Variants in SLC37A3 observed in about 807,000 individuals in gnomAD.
SLC37A3 encodes solute carrier family 37 member 3.
Under a neutral mutation model 67.1 loss-of-function variants are expected in SLC37A3, and 51 were observed. The ratio of observed to expected loss-of-function variants is 0.76; its 90% CI spans 0.61 to 0.96. The LOEUF is 0.96. SLC37A3 is among the 40% of genes least tolerant of loss of function. The pLI, the probability that SLC37A3 is intolerant of heterozygous loss-of-function variation, is 0.00. For missense variants in SLC37A3, 508 were observed against 603.0 expected, an observed-to-expected ratio of 0.84 and a Z score of 1.65; for synonymous variants, 214 against 231.4, an observed-to-expected ratio of 0.92 and a Z score of 0.68.
intron 2 of SLC37A3, among the ~76,000 whole-genome samples, chr7:140,380,939 C>T (rs1798228610): frequency 6.8e-6 from 1 of 147,030 alleles, no homozygotes; most frequent in African/African-American, 2.5e-5. Flanking sequence ...CTCTGTTGCC[C>T]AGGCTGGAGT....
intron 9 of SLC37A3, 136 bp downstream of exon 9, chr7:140,351,137 C>T: frequency 1.2e-6 from 1 of 825,812 alleles, no homozygotes; most frequent in African/African-American, 1.7e-5. Context: ...CACTAGACAA[C>T]ATTCCTCAGC....
intron 3 of SLC37A3, among the ~76,000 whole-genome samples, chr7:140,376,408 G>A (rs1798033374): frequency 6.6e-6 from 1 of 152,162 alleles, no homozygotes; most frequent in Non-Finnish European, 1.5e-5. Context: ...AAGTCAACAT[G>A]CTAAATGTGA....
At chr7:140,353,735 C>A (rs751740982) in intron 7 of SLC37A3, among the ~76,000 whole-genome samples, 1 of 150,802 alleles carries the variant, frequency 6.6e-6, no homozygotes, top group Non-Finnish European at 1.5e-5. Flanking sequence ...TTTTTTGATA[C>A]GGAGTCTCGC....
intron 10 of SLC37A3, among the ~76,000 whole-genome samples, chr7:140,346,799 T>C (rs958572861): frequency 6.6e-6 from 1 of 151,796 alleles, no homozygotes; most frequent in Non-Finnish European, 1.5e-5. Flanking sequence ...GAGGCTGAGG[T>C]AGGAGGATGG....
rs760820872 is a variant in SLC37A3, at chr7:140,380,399, TAGAG to T, written c.90-13_90-10del. 21 of 1,579,266 alleles carry T rather than the reference TAGAG, an allele frequency of 1.3e-5. No homozygotes were observed. The highest frequency in any genetic ancestry group is 1.7e-5 in the Admixed American group (1 of 59,722). On this transcript the variant is annotated splice_polypyrimidine_tract_variant and intron_variant, in intron 2 of 14. Coordinates refer to ENST00000326232, the MANE Select transcript of SLC37A3 (RefSeq NM_207113.3). Reference sequence around the variant, plus strand: ...CATGGAGCAACGAATAACTACAAAATAGAGAGAATACAGATGAATGAATAGCAAA... The same window carrying T: ...CATGGAGCAACGAATAACTACAAAATAGAATACAGATGAATGAATAGCAAA...
Position 140,362,910 on chromosome 7 carries a change from G to C in SLC37A3, c.375+1498C>G, listed in dbSNP as rs1186636584. Among the ~76,000 whole-genome samples the C allele has an allele frequency of 3.4e-5, 2 of 58,730 alleles. 1 individual carries two copies. The highest frequency in any genetic ancestry group is 7.3e-5 in the Non-Finnish European group (2 of 27,442). 38.5% of individuals were successfully genotyped at this position (58,730 alleles called of 152,430 possible). A position where few individuals can be genotyped will look rare whatever the true frequency, so the allele number is the denominator to read the frequency against. On this transcript the variant is annotated intron_variant, in intron 5 of 14. Transcript: ENST00000326232. ...CCGTCCGGGAGGGAGGCGGGGGGGGGGGTCGGCCAGCCGCCCTGTCCGGGA... is the reference window on the plus strand; with the variant it reads ...CCGTCCGGGAGGGAGGCGGGGGGGGCGGTCGGCCAGCCGCCCTGTCCGGGA...
chr7:140,389,076 A>C (rs1459015517), intron 1 of SLC37A3, among the ~76,000 whole-genome samples: 1 of 152,198 alleles, frequency 6.6e-6, no homozygotes, highest in African/African-American at 2.4e-5. Flanking sequence ...TCCTGGGCAT[A>C]GGCTGAACTA....
intron 1 of SLC37A3, among the ~76,000 whole-genome samples, chr7:140,393,755 T>C (rs886738169): frequency 6.6e-6 from 1 of 152,156 alleles, no homozygotes; most frequent in South Asian, 2.1e-4. Context: ...CTCCCAGTTA[T>C]CTGGTTTAAT....
chr7:140,361,136 G>A (rs1279205210), intron 5 of SLC37A3, among the ~76,000 whole-genome samples: 1 of 151,850 alleles, frequency 6.6e-6, no homozygotes, highest in Non-Finnish European at 1.5e-5. Context: ...GAGCTGAAAA[G>A]GGGACCATCC....
chr7:140,366,321 C>G (rs550980736), intron 4 of SLC37A3, among the ~76,000 whole-genome samples: 38 of 152,238 alleles, frequency 2.5e-4, no homozygotes, highest in African/African-American at 8.7e-4. Context: ...GTTGGCCAGG[C>G]TGGTCTCAAA....
intron 7 of SLC37A3, 177 bp from the exon 8 acceptor site, chr7:140,352,323 G>A (rs113624718): frequency 8.2e-6 from 5 of 606,966 alleles, no homozygotes; most frequent in South Asian, 4.0e-5. Context: ...TGTTCTACTC[G>A]TGTTTTCTCA....
chr7:140,382,597 C>CCGAGA lies in SLC37A3; in HGVS notation c.-70-2_-70-1insTCTCG. 1.5e-6 allele frequency: 2 copies of CCGAGA among 1,357,716 alleles called. No homozygotes were observed. The highest frequency in any genetic ancestry group is 2.1e-6 in the Non-Finnish European group (2 of 955,376). 84.1% of individuals were successfully genotyped at this position (1,357,716 alleles called of 1,614,324 possible). The stretch of plus-strand genomic sequence containing the variant: ...GAGTGATTTACATCATTTCTTCCTT[C>CCGAGA]TGGAAAGACAAAACACATTATGGAC... On this transcript the variant is annotated splice_acceptor_variant, in intron 1 of 14. Coordinates refer to ENST00000326232, the MANE Select transcript of SLC37A3 (RefSeq NM_207113.3). LOFTEE classifies it low-confidence loss of function (5UTR_SPLICE).
chr7:140,371,997 G>A (rs1241455802), intron 3 of SLC37A3, among the ~76,000 whole-genome samples: 1 of 151,848 alleles, frequency 6.6e-6, no homozygotes, highest in Non-Finnish European at 1.5e-5. Flanking sequence ...GATTACAGGC[G>A]CCCACCACAA....
chr7:140,359,422 C>A (rs4341086), intron 5 of SLC37A3, among the ~76,000 whole-genome samples: 2 of 151,652 alleles, frequency 1.3e-5, no homozygotes, highest in Non-Finnish European at 2.9e-5. Flanking sequence ...GTGGAGGGAA[C>A]AGCAACCTCC....
At chr7:140,341,182 C>T (rs1243147231) in intron 13 of SLC37A3, among the ~76,000 whole-genome samples, 1 of 152,188 alleles carries the variant, frequency 6.6e-6, no homozygotes, top group Non-Finnish European at 1.5e-5. Context: ...ATTCTCCTGC[C>T]TTGGCCTCCC....
intron 1 of SLC37A3, among the ~76,000 whole-genome samples, chr7:140,384,632 T>C (rs904762793): frequency 6.6e-6 from 1 of 151,800 alleles, no homozygotes; most frequent in African/African-American, 2.4e-5. Flanking sequence ...GGCAGGAGGA[T>C]TGCTTGAGCC....
intron 1 of SLC37A3, among the ~76,000 whole-genome samples, chr7:140,393,893 G>T (rs967343681): frequency 6.6e-6 from 1 of 152,096 alleles, no homozygotes; most frequent in East Asian, 1.9e-4. Flanking sequence ...TTTTTGGGCC[G>T]GGCGCGATGG....
intron 1 of SLC37A3, among the ~76,000 whole-genome samples, chr7:140,390,941 GTCC>G (rs922315161): frequency 1.3e-5 from 2 of 151,836 alleles, no homozygotes; most frequent in Non-Finnish European, 2.9e-5. Flanking sequence ...CCTTGTCTCT[GTCC>G]TCCTCCTTCC....
intron 1 of SLC37A3, among the ~76,000 whole-genome samples, chr7:140,385,353 A>G (rs1239066791): frequency 1.3e-5 from 2 of 152,180 alleles, no homozygotes; most frequent in African/African-American, 2.4e-5. Flanking sequence ...AAGTTACAAA[A>G]ACAAGAACTA....
Sources: gnomAD v4.1 joint callset for allele counts (sites outside exome capture counted in the v4.1 genomes callset) on GRCh38, gnomAD v4.1.1 for gene constraint, MANE v1.5 for transcripts, NCBI Gene and HGNC (gene_info 2026-07-23, HGNC 2026-07-21) for gene names.